BABAM2: variants seen among roughly 807,000 people sequenced by gnomAD.
BABAM2 encodes the protein BRISC and BRCA1 A complex member 2.
A neutral mutation model predicts 54.7 loss-of-function variants in BABAM2; 31 were observed. The ratio of observed to expected loss-of-function variants is 0.57; its 90% CI spans 0.43 to 0.77. BABAM2 has a LOEUF of 0.77. Among genes scored for constraint, BABAM2 ranks in the 30% least tolerant of loss-of-function variants. The probability of loss-of-function intolerance (pLI) is 0.00; values close to 1 mark genes in which losing one functional copy is unlikely to be tolerated. For missense variants in BABAM2, 364 were observed against 455.8 expected (o/e 0.80, Z 1.83); for synonymous variants, 167 against 162.9 (o/e 1.03, Z -0.19).
At chr2:27,926,969 A>G (rs1230074390) in intron 2 of BABAM2, among the ~76,000 whole-genome samples, 1 of 152,168 alleles carries the variant, frequency 6.6e-6, no homozygotes, top group Non-Finnish European at 1.5e-5. Flanking sequence ...CCTTCTAGCT[A>G]TTTGAAACTA....
chr2:28,168,150 TG>T (rs919716335), intron 7 of BABAM2, among the ~76,000 whole-genome samples: 2 of 152,174 alleles, frequency 1.3e-5, no homozygotes, highest in African/African-American at 4.8e-5. Flanking sequence ...GGTGTTCCCG[TG>T]GTCTAGACGT....
At chr2:27,903,047 T>G (rs780617988) in intron 2 of BABAM2, among the ~76,000 whole-genome samples, 2 of 152,170 alleles carry the variant, frequency 1.3e-5, no homozygotes. Context: ...AAATGGGAAT[T>G]TATTTTTTCT....
chr2:28,248,432 C>T (rs1303592514), intron 10 of BABAM2, among the ~76,000 whole-genome samples: 2 of 151,934 alleles, frequency 1.3e-5, no homozygotes, highest in Non-Finnish European at 2.9e-5. Flanking sequence ...TGGTCTCAAA[C>T]TCCCGACCTC....
intron 11 of BABAM2, chr2:28,307,820 A>C (rs978146843): frequency 2.0e-5 from 3 of 152,212 alleles, no homozygotes; most frequent in African/African-American, 7.2e-5. Flanking sequence ...CTAAAAAAAA[A>C]ACCTATTTAA....
At chr2:28,191,520 A>C (rs141073681) in intron 7 of BABAM2, among the ~76,000 whole-genome samples, 1 of 152,338 alleles carries the variant, frequency 6.6e-6, no homozygotes, top group East Asian at 1.9e-4. Flanking sequence ...TGGATAAACA[A>C]ATAGTGGGAT....
chr2:28,026,368 G>A (rs182525122), intron 5 of BABAM2, among the ~76,000 whole-genome samples: 1 of 152,236 alleles, frequency 6.6e-6, no homozygotes, highest in Admixed American at 6.5e-5. Context: ...TAAAGAAAAT[G>A]TGGCACATAT....
chr2:28,258,615 C>CT (rs70956008), intron 10 of BABAM2, among the ~76,000 whole-genome samples: 2,258 of 99,978 alleles, frequency 0.023, 156 homozygotes, highest in African/African-American at 0.079. Flanking sequence ...TTTTTCTTTT[C>CT]TTTTTTTTTT....
intron 6 of BABAM2, among the ~76,000 whole-genome samples, chr2:28,121,585 C>G (rs1253733690): frequency 6.6e-6 from 1 of 152,122 alleles, no homozygotes; most frequent in East Asian, 1.9e-4. Context: ...TCTTCAATCT[C>G]TGTGAAGTAA....
At chr2:27,923,516 A>T (rs921824050) in intron 2 of BABAM2, among the ~76,000 whole-genome samples, 4 of 151,866 alleles carry the variant, frequency 2.6e-5, no homozygotes, top group African/African-American at 9.7e-5. Context: ...TACTTGGGAG[A>T]CTGAGGTGGG....
At chr2:27,921,608 G>A (rs1242823444) in intron 2 of BABAM2, among the ~76,000 whole-genome samples, 1 of 152,158 alleles carries the variant, frequency 6.6e-6, no homozygotes, top group Admixed American at 6.5e-5. Context: ...ACGTGCCTCA[G>A]TGCCCTCATC....
At chr2:28,110,139 C>A (rs891987140) in intron 6 of BABAM2, among the ~76,000 whole-genome samples, 1 of 152,124 alleles carries the variant, frequency 6.6e-6, no homozygotes, top group Non-Finnish European at 1.5e-5. Flanking sequence ...TTTTTTGTGA[C>A]TGGCTAATTT....
intron 4 of BABAM2, among the ~76,000 whole-genome samples, chr2:28,019,088 A>G (rs980257228): frequency 1.3e-5 from 2 of 152,068 alleles, no homozygotes; most frequent in African/African-American, 4.8e-5. Context: ...CTTATGAGTG[A>G]GAGCATGCAG....
At chr2:28,277,814 A>G (rs867846082) in intron 10 of BABAM2, among the ~76,000 whole-genome samples, 19 of 152,354 alleles carry the variant, frequency 1.2e-4, no homozygotes, top group African/African-American at 4.6e-4. Context: ...GTCTAGGTTA[A>G]GCCATGTGGT....
chr2:28,148,952 A>G (rs1457616349), intron 7 of BABAM2, among the ~76,000 whole-genome samples: 1 of 152,176 alleles, frequency 6.6e-6, no homozygotes, highest in African/African-American at 2.4e-5. Flanking sequence ...ACGCAGGAAA[A>G]GCCGACCAGC....
chr2:27,895,326 C>A (rs1010816985), intron 2 of BABAM2, among the ~76,000 whole-genome samples: 3 of 152,166 alleles, frequency 2.0e-5, no homozygotes, highest in African/African-American at 7.2e-5. Flanking sequence ...TCTCCTTAGT[C>A]TCCCCAACAG....
At chr2:28,128,102 G>A (rs1346004394) in intron 6 of BABAM2, among the ~76,000 whole-genome samples, 3 of 152,166 alleles carry the variant, frequency 2.0e-5, no homozygotes, top group African/African-American at 4.8e-5. Context: ...ATGAGCCACC[G>A]CGCCCAGCCG....
intron 6 of BABAM2, among the ~76,000 whole-genome samples, chr2:28,098,398 T>C (rs1666798755): frequency 6.6e-6 from 1 of 152,244 alleles, no homozygotes; most frequent in African/African-American, 2.4e-5. Context: ...TCCTGCAACT[T>C]TGCTGAAGCC....
At chr2:28,148,378 A>T (rs1482754250) in intron 7 of BABAM2, among the ~76,000 whole-genome samples, 23 of 152,228 alleles carry the variant, frequency 1.5e-4, no homozygotes, top group East Asian at 5.8e-4. Flanking sequence ...TGCATTCCAA[A>T]TTGTATGTGT....
chr2:27,909,407 A>C (rs1001413472), intron 2 of BABAM2, among the ~76,000 whole-genome samples: 10 of 152,276 alleles, frequency 6.6e-5, no homozygotes, highest in Admixed American at 1.3e-4. Context: ...CCCATTAAAA[A>C]AGTTTTTTTT....
Sources: gnomAD v4.1 joint callset for allele counts (sites outside exome capture counted in the v4.1 genomes callset) on GRCh38, gnomAD v4.1.1 for gene constraint, MANE v1.5 for transcripts, NCBI Gene and HGNC (gene_info 2026-07-23, HGNC 2026-07-21) for gene names.